ARHGAP5: variants seen among roughly 807,000 people sequenced by gnomAD.
The protein encoded by ARHGAP5 is rho GTPase-activating protein 5.
A neutral mutation model predicts 116.6 loss-of-function variants in ARHGAP5; 23 were observed. That is an observed-to-expected ratio of 0.20 (90% CI 0.14 to 0.28). The LOEUF (loss-of-function observed/expected upper bound fraction) is 0.28, where lower values mean the gene tolerates loss of function less well. Among genes scored for constraint, ARHGAP5 ranks in the 10% least tolerant of loss-of-function variants. ARHGAP5 has a pLI of 1.00. For synonymous variants in ARHGAP5, 574 were observed against 602.0 expected (o/e 0.95, Z 0.68); for missense variants, 1,405 against 1,774.8 (o/e 0.79, Z 3.74).
intron 3 of ARHGAP5, among the ~76,000 whole-genome samples, chr14:32,117,549 A>T (rs895297318): frequency 6.6e-6 from 1 of 152,244 alleles, no homozygotes; most frequent in Non-Finnish European, 1.5e-5. Context: ...TCTGGAATTT[A>T]GAATAACTTT....
chr14:32,146,918 TTAGA>T (rs1881404893), intron 4 of ARHGAP5, among the ~76,000 whole-genome samples: 3 of 152,170 alleles, frequency 2.0e-5, no homozygotes, highest in Non-Finnish European at 2.9e-5. Context: ...TGATATCAGA[TTAGA>T]TATTTTATGG....
At chr14:32,131,141 T>C (rs1880463904) in intron 3 of ARHGAP5, among the ~76,000 whole-genome samples, 1 of 152,194 alleles carries the variant, frequency 6.6e-6, no homozygotes, top group African/African-American at 2.4e-5. Flanking sequence ...TCTAATATAA[T>C]GTCTGTAATC....
At chr14:32,108,280 C>T (rs769317575) in intron 2 of ARHGAP5, among the ~76,000 whole-genome samples, 1 of 151,808 alleles carries the variant, frequency 6.6e-6, no homozygotes, top group Non-Finnish European at 1.5e-5. Flanking sequence ...AATGTGGGAT[C>T]AAAGGAGGGT....
At chr14:32,115,942 C>T (rs1471961650) in intron 2 of ARHGAP5, among the ~76,000 whole-genome samples, 1 of 151,064 alleles carries the variant, frequency 6.6e-6, no homozygotes, top group African/African-American at 2.4e-5. Context: ...TTGCAGTGAG[C>T]TGAGATTGCG....
intron 3 of ARHGAP5, among the ~76,000 whole-genome samples, chr14:32,135,432 T>C (rs8010167): frequency 0.021 from 3,140 of 152,306 alleles, 123 homozygotes; most frequent in African/African-American, 0.072. Context: ...GTTGTTTTTT[T>C]GTTTGTTTGA....
At position 32,136,122 on chromosome 14, in the gene ARHGAP5, A is replaced by AT. The variant is rs200296336; in HGVS notation, c.3866-10134dup. Among the ~76,000 whole-genome samples, 1,279 of 152,276 alleles carry AT rather than the reference A, an allele frequency of 8.4e-3. 20 individuals carry two copies. Among genetic ancestry groups the AT allele is most frequent in the African/African-American group, 0.028 (1,162 of 41,558 alleles). ...TTTCTTCCCAGCATGGGCTTTTAGA[A>AT]TTTTTTTGAGGTAAAATTTATATAA... On this transcript the variant is annotated intron_variant, in intron 3 of 6. Coordinates refer to ENST00000345122, the MANE Select transcript of ARHGAP5 (RefSeq NM_001030055.2).
intron 6 of ARHGAP5, among the ~76,000 whole-genome samples, chr14:32,153,225 G>A (rs1459652446): frequency 2.7e-5 from 4 of 149,276 alleles, no homozygotes; most frequent in African/African-American, 9.8e-5. Context: ...ATGGAAACAT[G>A]GTGAAACCCC....
intron 3 of ARHGAP5, among the ~76,000 whole-genome samples, chr14:32,138,366 C>T (rs1198092311): frequency 2.6e-5 from 4 of 152,204 alleles, no homozygotes; most frequent in African/African-American, 9.7e-5. Flanking sequence ...CTCACTGCAA[C>T]CTCCACTCCT....
chr14:32,094,293 A>G lies in ARHGAP5; in HGVS notation c.3624A>G (p.Lys1208=), dbSNP rs751814841. The G allele has an allele frequency of 1.9e-6, 3 of 1,613,754 alleles. No individual in the cohort carries two copies. Among genetic ancestry groups the G allele is most frequent in the East Asian group, 2.2e-5 (1 of 44,872 alleles). ...DPLLSPVETW[K]GGIDNPAITS... ...TTCTTTCTCCTGTTGAAACTTGGAAAGGTGGTATTGATAATCCTGCAATCA... is the reference window on the plus strand; with the variant it reads ...TTCTTTCTCCTGTTGAAACTTGGAAGGGTGGTATTGATAATCCTGCAATCA... The change falls in exon 2 of 7, where the codon AAA becomes AAG. Residue 1208 remains lysine, a synonymous_variant. Coordinates refer to ENST00000345122, the MANE Select transcript of ARHGAP5 (RefSeq NM_001030055.2).
At chr14:32,115,385 C>T (rs1030742486) in intron 2 of ARHGAP5, among the ~76,000 whole-genome samples, 34 of 152,048 alleles carry the variant, frequency 2.2e-4, no homozygotes, top group Admixed American at 6.6e-5. Flanking sequence ...AGCATCTGGC[C>T]GGGAGCGGTG....
At chr14:32,135,300 G>C (rs1007366051) in intron 3 of ARHGAP5, among the ~76,000 whole-genome samples, 69 of 152,342 alleles carry the variant, frequency 4.5e-4, no homozygotes, top group African/African-American at 1.5e-3. Context: ...AGGTAACTTA[G>C]AGAAGCTGAA....
chr14:32,105,536 G>A (rs561372100), intron 2 of ARHGAP5, among the ~76,000 whole-genome samples: 2 of 151,754 alleles, frequency 1.3e-5, no homozygotes, highest in South Asian at 4.2e-4. Flanking sequence ...TCCCACAATG[G>A]TAATATCCTG....
chr14:32,139,389 G>A (rs1880978391), intron 3 of ARHGAP5, among the ~76,000 whole-genome samples: 2 of 151,914 alleles, frequency 1.3e-5, no homozygotes, highest in Admixed American at 1.3e-4. Flanking sequence ...AAGCTCATTT[G>A]TTTATAGAGC....
chr14:32,118,803 A>G (rs1029123823), intron 3 of ARHGAP5, among the ~76,000 whole-genome samples: 2 of 152,218 alleles, frequency 1.3e-5, no homozygotes, highest in Non-Finnish European at 2.9e-5. Flanking sequence ...CAACTGAACA[A>G]TTAGAACATA....
intron 2 of ARHGAP5, among the ~76,000 whole-genome samples, chr14:32,111,225 C>T (rs566466644): frequency 6.6e-6 from 1 of 152,290 alleles, no homozygotes; most frequent in African/African-American, 2.4e-5. Flanking sequence ...AATCGTGCCA[C>T]TGCACTACAG....
chr14:32,132,841 G>C (rs1033978657), intron 3 of ARHGAP5, among the ~76,000 whole-genome samples: 7 of 152,230 alleles, frequency 4.6e-5, no homozygotes, highest in South Asian at 2.1e-4. Context: ...ATTAAATAGG[G>C]AATCCTTTCC....
chr14:32,110,326 T>C (rs1879228240), intron 2 of ARHGAP5, among the ~76,000 whole-genome samples: 1 of 151,304 alleles, frequency 6.6e-6, no homozygotes, highest in African/African-American at 2.4e-5. Context: ...GGATTGCTTT[T>C]GCTTTTTTTT....
chr14:32,138,248 A>G (rs1880914669), intron 3 of ARHGAP5, among the ~76,000 whole-genome samples: 4 of 151,962 alleles, frequency 2.6e-5, no homozygotes, highest in Admixed American at 2.6e-4. Context: ...AACTTTGCTG[A>G]ATTTTGTATT....
At chr14:32,108,619 G>A (rs865832237) in intron 2 of ARHGAP5, among the ~76,000 whole-genome samples, 3 of 152,056 alleles carry the variant, frequency 2.0e-5, no homozygotes, top group Non-Finnish European at 2.9e-5. Context: ...GGTAGTGCCT[G>A]TATTACTTGG....
Sources: gnomAD v4.1 joint callset for allele counts (sites outside exome capture counted in the v4.1 genomes callset) on GRCh38, gnomAD v4.1.1 for gene constraint, MANE v1.5 for transcripts, NCBI Gene and HGNC (gene_info 2026-07-23, HGNC 2026-07-21) for gene names.